Variants in LYPD6 observed in about 807,000 individuals in gnomAD.
LYPD6 encodes the protein LY6/PLAUR domain containing 6, also known as ly6/PLAUR domain-containing protein 6.
A neutral mutation model predicts 22.7 loss-of-function variants in LYPD6; 15 were observed. The ratio of observed to expected loss-of-function variants is 0.66; its 90% CI spans 0.44 to 1.02. The LOEUF (loss-of-function observed/expected upper bound fraction) is 1.02, where lower values mean the gene tolerates loss of function less well. Among genes scored for constraint, LYPD6 ranks in the 50% least tolerant of loss-of-function variants. The pLI, the probability that LYPD6 is intolerant of heterozygous loss-of-function variation, is 0.00. For missense variants in LYPD6, 189 were observed against 208.4 expected, an observed-to-expected ratio of 0.91 and a Z score of 0.57; for synonymous variants, 72 against 77.5, an observed-to-expected ratio of 0.93 and a Z score of 0.37.
intron 1 of LYPD6, among the ~76,000 whole-genome samples, chr2:149,415,244 G>A (rs1484476778): frequency 6.6e-6 from 1 of 152,188 alleles, no homozygotes; most frequent in Admixed American, 6.5e-5. Flanking sequence ...AACTGGCCAT[G>A]CAAAAACAAA....
rs535193515 is a variant in LYPD6 at position 149,456,201 on chromosome 2, A to C, written c.217+7054A>C. On this transcript the variant is annotated intron_variant, in intron 3 of 4. Transcript: ENST00000334166. ...AAATAATTCAGTTTATCTGCAACTCAATTTGTAGTTCATCCTTTTCTTGAG... is the reference window on the plus strand; with the variant it reads ...AAATAATTCAGTTTATCTGCAACTCCATTTGTAGTTCATCCTTTTCTTGAG... Among the ~76,000 whole-genome samples, 9 of 152,332 alleles carry C rather than the reference A, an allele frequency of 5.9e-5. 1 individual carries two copies. In the South Asian group the frequency reaches 8.3e-4, roughly 14 times the overall value.
chr2:149,421,839 C>T (rs540812928), intron 1 of LYPD6, among the ~76,000 whole-genome samples: 2 of 152,210 alleles, frequency 1.3e-5, no homozygotes, highest in East Asian at 3.9e-4. Flanking sequence ...ACCGTTTTCT[C>T]CTTTTATAGG....
At chr2:149,412,220 T>C (rs1343495326) in intron 1 of LYPD6, among the ~76,000 whole-genome samples, 1 of 152,208 alleles carries the variant, frequency 6.6e-6, no homozygotes, top group East Asian at 1.9e-4. Flanking sequence ...TGAGACTCTC[T>C]TTTCCCATAG....
At chr2:149,459,730 C>G (rs1326396361) in intron 3 of LYPD6, among the ~76,000 whole-genome samples, 1 of 151,976 alleles carries the variant, frequency 6.6e-6, no homozygotes, top group Non-Finnish European at 1.5e-5. Context: ...GATGAAACCC[C>G]ATCTCTACTA....
chr2:149,470,690 C>T lies in LYPD6; in HGVS notation c.356C>T (p.Thr119Ile), dbSNP rs747608554. Residue 119 changes from threonine (T) to isoleucine (I), a missense_variant, in exon 5 of 5, where the codon ACT (threonine) becomes ATT (isoleucine). Physicochemically the swap from Thr to Ile is moderately conservative, Grantham distance 89. Coordinates refer to ENST00000334166, the MANE Select transcript of LYPD6 (RefSeq NM_194317.5). Reference sequence around the variant, plus strand: ...TTTCTTCCTTTCTTTCAGGTCTGCACTTCTTGTTGTGAAGGAAATATCTGT... The same window carrying T: ...TTTCTTCCTTTCTTTCAGGTCTGCATTTCTTGTTGTGAAGGAAATATCTGT... The part of the protein sequence containing the change: ...DSEHEGHKVC[T>I]SCCEGNICNL... 3 of 1,613,434 alleles carry T rather than the reference C, an allele frequency of 1.9e-6. No individual in the cohort carries two copies. Among genetic ancestry groups the T allele is most frequent in the Non-Finnish European group, 2.5e-6 (3 of 1,179,498 alleles).
chr2:149,348,549 C>T (rs896628837), intron 1 of LYPD6, among the ~76,000 whole-genome samples: 4 of 152,206 alleles, frequency 2.6e-5, no homozygotes, highest in Non-Finnish European at 5.9e-5. Flanking sequence ...GCTGTGATGG[C>T]CTCATGCCTG....
chr2:149,363,080 T>C (rs1157606028), intron 1 of LYPD6, among the ~76,000 whole-genome samples: 1 of 152,114 alleles, frequency 6.6e-6, no homozygotes, highest in Non-Finnish European at 1.5e-5. Flanking sequence ...ACTGAAGGAA[T>C]TTTTCTCACA....
rs530095307 is a variant in LYPD6 at position 149,422,078 on chromosome 2, C to T, written c.-71-15560C>T. 5.3e-5 allele frequency among the ~76,000 whole-genome samples: 8 copies of T among 152,258 alleles called. No individual in the cohort carries two copies. The South Asian group carries it at 6.2e-4, about 12-fold the overall frequency. ...AAGGTCTTTCTGAATGGAAAGCAAA[C>T]GTTCCTGGGCAGTGTCTTGACCCAG... On this transcript the variant is annotated intron_variant, in intron 1 of 4. Transcript: ENST00000334166.
At chr2:149,465,955 C>G (rs114478013) in intron 3 of LYPD6, among the ~76,000 whole-genome samples, 1,713 of 152,218 alleles carry the variant, frequency 0.011, 39 homozygotes, top group African/African-American at 0.039. Flanking sequence ...TCAAATTCAT[C>G]TTTTATCTTT....
At chr2:149,391,933 G>A (rs1314896299) in intron 1 of LYPD6, among the ~76,000 whole-genome samples, 2 of 152,180 alleles carry the variant, frequency 1.3e-5, no homozygotes, top group African/African-American at 4.8e-5. Flanking sequence ...GCCTGAATCA[G>A]CTAGGGCTGC....
At chr2:149,333,505 CA>C (rs1428319479) in intron 1 of LYPD6, among the ~76,000 whole-genome samples, 1 of 152,078 alleles carries the variant, frequency 6.6e-6, no homozygotes, top group Non-Finnish European at 1.5e-5. Flanking sequence ...TGTGGGACTT[CA>C]AAAAATGATA....
At chr2:149,388,878 A>G (rs1249341361) in intron 1 of LYPD6, among the ~76,000 whole-genome samples, 1 of 152,214 alleles carries the variant, frequency 6.6e-6, no homozygotes, top group Non-Finnish European at 1.5e-5. Context: ...AAAAGTTATC[A>G]ACAGCTTGGT....
At chr2:149,415,722 A>G (rs887549625) in intron 1 of LYPD6, among the ~76,000 whole-genome samples, 1 of 152,146 alleles carries the variant, frequency 6.6e-6, no homozygotes, top group Non-Finnish European at 1.5e-5. Flanking sequence ...GCTGGGGTGC[A>G]GTGGCATGAT....
intron 1 of LYPD6, among the ~76,000 whole-genome samples, chr2:149,332,083 G>A (rs1680949773): frequency 1.3e-5 from 2 of 152,160 alleles, no homozygotes; most frequent in Non-Finnish European, 2.9e-5. Flanking sequence ...CCATGAAATG[G>A]GTTAATGCAC....
chr2:149,409,718 A>C (rs1242518303), intron 1 of LYPD6, among the ~76,000 whole-genome samples: 3 of 151,950 alleles, frequency 2.0e-5, no homozygotes, highest in Non-Finnish European at 4.4e-5. Flanking sequence ...ATAGGTTGCC[A>C]GGGAAGTGGG....
intron 3 of LYPD6, 23 bp downstream of exon 3, chr2:149,449,170 G>A (rs1683755133): frequency 1.3e-6 from 2 of 1,560,472 alleles, no homozygotes; most frequent in Non-Finnish European, 1.8e-6. Flanking sequence ...TAGACTGATT[G>A]GGGTCCCCTG....
chr2:149,348,952 G>A (rs944536573), intron 1 of LYPD6, among the ~76,000 whole-genome samples: 2 of 152,156 alleles, frequency 1.3e-5, no homozygotes, highest in African/African-American at 2.4e-5. Flanking sequence ...AGGATAGGAT[G>A]TGGAGTATAA....
At chr2:149,450,467 A>G (rs1308550405) in intron 3 of LYPD6, among the ~76,000 whole-genome samples, 1 of 152,214 alleles carries the variant, frequency 6.6e-6, no homozygotes, top group East Asian at 1.9e-4. Flanking sequence ...TCTACATAAG[A>G]AACAGAAATG....
In LYPD6 at chr2:149,391,231, T is replaced by C. The variant is rs117883555; in HGVS notation, c.-71-46407T>C. Among the ~76,000 whole-genome samples, 1,357 of 152,300 alleles carry C rather than the reference T, an allele frequency of 8.9e-3. 59 individuals are homozygous for C. Among genetic ancestry groups the C allele is most frequent in the Admixed American group, 0.07 (1,064 of 15,292 alleles). ...CATGGTCTTGAATTTTAAAGGTAAGTAAGACTCGGCTCTTACCTCAAACAT... is the reference window on the plus strand; with the variant it reads ...CATGGTCTTGAATTTTAAAGGTAAGCAAGACTCGGCTCTTACCTCAAACAT... On this transcript the variant is annotated intron_variant, in intron 1 of 4. Transcript: ENST00000334166.
Sources: gnomAD v4.1 joint callset for allele counts (sites outside exome capture counted in the v4.1 genomes callset) on GRCh38, gnomAD v4.1.1 for gene constraint, MANE v1.5 for transcripts, NCBI Gene and HGNC (gene_info 2026-07-23, HGNC 2026-07-21) for gene names.